The following SP140 variants were observed in gnomAD, a reference collection of about 807,000 sequenced individuals.
SP140 encodes SP140 nuclear body protein.
A neutral mutation model predicts 125.0 loss-of-function variants in SP140; 81 were observed. That is an observed-to-expected ratio of 0.65 (90% CI 0.54 to 0.78). The LOEUF (loss-of-function observed/expected upper bound fraction) is 0.78. Ranked by LOEUF, SP140 falls within the 30% of genes least tolerant of loss-of-function variation. The probability of loss-of-function intolerance (pLI) is 0.00; values close to 1 mark genes in which losing one functional copy is unlikely to be tolerated. For synonymous variants in SP140, 312 were observed against 354.0 expected, an observed-to-expected ratio of 0.88 and a Z score of 1.33; for missense variants, 858 against 1,037.0, an observed-to-expected ratio of 0.83 and a Z score of 2.37.
chr2:230,268,809 G>A (rs1010710378), intron 12 of SP140, among the ~76,000 whole-genome samples: 2 of 152,184 alleles, frequency 1.3e-5, no homozygotes, highest in African/African-American at 2.4e-5. Flanking sequence ...ATTCATGCCT[G>A]TGGTTCCAAG....
chr2:230,224,523 G>A (rs1429213220), upstream of SP140, among the ~76,000 whole-genome samples: 1 of 151,696 alleles, frequency 6.6e-6, no homozygotes, highest in Non-Finnish European at 1.5e-5. Context: ...GACAGAGAGA[G>A]AGAGAGAGAG....
At chr2:230,280,147 T>C (rs373993368) in intron 15 of SP140, among the ~76,000 whole-genome samples, 1 of 152,182 alleles carries the variant, frequency 6.6e-6, no homozygotes, top group Non-Finnish European at 1.5e-5. Flanking sequence ...TTCTTGCACA[T>C]GGTTGTATAT....
chr2:230,262,562 C>T (rs2052443024), intron 12 of SP140, among the ~76,000 whole-genome samples: 2 of 152,064 alleles, frequency 1.3e-5, no homozygotes, highest in South Asian at 2.1e-4. Context: ...TGTGCTCTTT[C>T]AGTCTTTCTG....
chr2:230,214,587 T>G (rs2044887359), intron 3 of SP140, among the ~76,000 whole-genome samples: 1 of 152,242 alleles, frequency 6.6e-6, no homozygotes, highest in Admixed American at 6.5e-5. Context: ...TCCGTCCACA[T>G]TCATTTTTTC....
chr2:230,296,881 C>A (rs1284642250), intron 21 of SP140, among the ~76,000 whole-genome samples: 2 of 152,160 alleles, frequency 1.3e-5, no homozygotes, highest in Non-Finnish European at 2.9e-5. Context: ...GGGAATGGGA[C>A]TTGCATTGGG....
chr2:230,236,154 C>T (rs1239610481), intron 1 of SP140, among the ~76,000 whole-genome samples: 2 of 152,126 alleles, frequency 1.3e-5, no homozygotes, highest in African/African-American at 4.8e-5. Flanking sequence ...GGATTACAGG[C>T]GTGAGCCACC....
At chr2:230,200,510 C>A, upstream of SP140, 2 of 212,554 alleles carry the variant, frequency 9.4e-6, no homozygotes, top group Non-Finnish European at 9.5e-6. Context: ...AAAGCTTGAT[C>A]CATGGGTTGG....
chr2:230,246,857 A>C (rs1448822327), intron 7 of SP140, among the ~76,000 whole-genome samples: 1 of 152,166 alleles, frequency 6.6e-6, no homozygotes, highest in Non-Finnish European at 1.5e-5. Flanking sequence ...GAGACAGTGG[A>C]GGAGAGGCAC....
chr2:230,194,458 A>G, the SP140 span, among the ~76,000 whole-genome samples: 1 of 136,554 alleles, frequency 7.3e-6, no homozygotes, highest in Non-Finnish European at 1.6e-5. Context: ...AAAATAAATT[A>G]AAAAAAGAAA....
At chr2:230,252,122 T>C (rs528526468) in intron 10 of SP140, among the ~76,000 whole-genome samples, 2 of 151,824 alleles carry the variant, frequency 1.3e-5, no homozygotes, top group East Asian at 3.9e-4. Context: ...GGAAAAATTA[T>C]TGAGAGTTAG....
the SP140 span, chr2:230,186,265 T>G: frequency 3.2e-6 from 3 of 946,766 alleles, no homozygotes; most frequent in Non-Finnish European, 4.9e-6. Flanking sequence ...TGTATCTTTC[T>G]TCCCCCCAGA....
chr2:230,291,521 A>G (rs1014203741), intron 19 of SP140, among the ~76,000 whole-genome samples: 8 of 152,334 alleles, frequency 5.3e-5, no homozygotes, highest in African/African-American at 1.9e-4. Flanking sequence ...ATCCTATAAT[A>G]CATGCCCTTT....
At chr2:230,310,532 C>A in intron 23 of SP140, 1 of 1,165,148 alleles carries the variant, frequency 8.6e-7, no homozygotes, top group Non-Finnish European at 1.2e-6. Context: ...CACCACCTTC[C>A]TCAGACTTCC....
chr2:230,235,702 G>A (rs1021970655), intron 1 of SP140, among the ~76,000 whole-genome samples: 4 of 152,086 alleles, frequency 2.6e-5, no homozygotes, highest in African/African-American at 9.7e-5. Flanking sequence ...TTAGCAAGTA[G>A]GAATCAGAAC....
At chr2:230,289,000 G>A (rs1392212941) in intron 18 of SP140, among the ~76,000 whole-genome samples, 1 of 152,136 alleles carries the variant, frequency 6.6e-6, no homozygotes, top group Middle Eastern at 3.2e-3. Context: ...GGACTGCTGG[G>A]TCAAATGGTA....
intron 22 of SP140, among the ~76,000 whole-genome samples, chr2:230,307,733 C>T (rs1461062344): frequency 6.6e-6 from 1 of 152,036 alleles, no homozygotes; most frequent in Non-Finnish European, 1.5e-5. Flanking sequence ...ATGGCAGGCC[C>T]TTGGTAGGTA....
At chr2:230,245,362 T>C (rs958009281) in intron 6 of SP140, among the ~76,000 whole-genome samples, 1 of 152,120 alleles carries the variant, frequency 6.6e-6, no homozygotes, top group African/African-American at 2.4e-5. Flanking sequence ...TCTACATGAA[T>C]ATTGAATCTA....
chr2:230,277,066 C>T (rs964621525), intron 15 of SP140, among the ~76,000 whole-genome samples: 1 of 152,034 alleles, frequency 6.6e-6, no homozygotes, highest in South Asian at 2.1e-4. Flanking sequence ...GTTGAAATGA[C>T]AACAAAGGAT....
intron 12 of SP140, among the ~76,000 whole-genome samples, chr2:230,267,591 G>C (rs2053316685): frequency 6.6e-6 from 1 of 152,134 alleles, no homozygotes; most frequent in Non-Finnish European, 1.5e-5. Flanking sequence ...TCATTTTAGG[G>C]AAAATTTTGC....
Sources: gnomAD v4.1 joint callset for allele counts (sites outside exome capture counted in the v4.1 genomes callset) on GRCh38, gnomAD v4.1.1 for gene constraint, MANE v1.5 for transcripts, NCBI Gene and HGNC (gene_info 2026-07-23, HGNC 2026-07-21) for gene names.